PTK2: variants seen among roughly 807,000 people sequenced by gnomAD.
PTK2 encodes focal adhesion kinase 1.
In PTK2, 45 loss-of-function variants were observed where a neutral mutation model predicts 150.1. That is an observed-to-expected ratio of 0.30 (90% confidence interval 0.24 to 0.38). The LOEUF (loss-of-function observed/expected upper bound fraction) is 0.38, where lower values mean the gene tolerates loss of function less well. Ranked by LOEUF, PTK2 falls within the 10% of genes least tolerant of loss-of-function variation. The pLI is 1.00. For missense variants in PTK2, 919 were observed against 1,307.3 expected (o/e 0.70, Z 4.58); for synonymous variants, 432 against 449.2 (o/e 0.96, Z 0.48).
chr8:140,858,418 C>T (rs2100134075), intron 5 of PTK2, among the ~76,000 whole-genome samples: 1 of 137,346 alleles, frequency 7.3e-6, no homozygotes, highest in South Asian at 2.5e-4. Context: ...ACAGATCAAG[C>T]AAGGGCAGAA....
intron 14 of PTK2, among the ~76,000 whole-genome samples, chr8:140,766,277 G>C (rs748659263): frequency 6.6e-6 from 1 of 152,164 alleles, no homozygotes. Flanking sequence ...CAGGTGACAG[G>C]TGTCTACTGC....
intron 1 of PTK2, among the ~76,000 whole-genome samples, chr8:140,930,199 G>A (rs959829592): frequency 5.9e-5 from 9 of 151,990 alleles, no homozygotes; most frequent in African/African-American, 1.2e-4. Context: ...AATAAACCTC[G>A]GAACACCAAA....
Position 140,879,451 on chromosome 8 carries a change from A to G in PTK2, c.362+20T>C, listed in dbSNP as rs1429830029. 6.3e-7 allele frequency: 1 copy of G among 1,587,256 alleles called. No individual in the cohort carries two copies. On this transcript the variant is annotated intron_variant, in intron 4 of 31. Transcript: ENST00000522684. ...AAAGAAATCAAGTGTGCATCACACC[A>G]AAGCAGGTTTGTATCTTACTTCCAC...
intron 12 of PTK2, among the ~76,000 whole-genome samples, chr8:140,798,098 A>G (rs1438844616): frequency 2.6e-5 from 4 of 152,228 alleles, no homozygotes; most frequent in Admixed American, 2.0e-4. Flanking sequence ...GTATACATGT[A>G]TAAGTAGTTT....
At chr8:140,682,549 C>G (rs527934418) in intron 27 of PTK2, among the ~76,000 whole-genome samples, 2 of 151,080 alleles carry the variant, frequency 1.3e-5, no homozygotes, top group Admixed American at 6.6e-5. Context: ...TATTAAACAA[C>G]AGAATATAAA....
At chr8:140,694,750 C>A (rs879929474) in intron 26 of PTK2, among the ~76,000 whole-genome samples, 11 of 152,198 alleles carry the variant, frequency 7.2e-5, no homozygotes, top group Non-Finnish European at 1.5e-4. Context: ...TTTACACATA[C>A]ACAGCATAAA....
At chr8:140,909,338 G>C (rs1005791375) in intron 2 of PTK2, among the ~76,000 whole-genome samples, 3 of 152,156 alleles carry the variant, frequency 2.0e-5, no homozygotes, top group Non-Finnish European at 4.4e-5. Flanking sequence ...TCTCTACCTT[G>C]AGCCATTACG....
intron 16 of PTK2, among the ~76,000 whole-genome samples, chr8:140,755,495 C>A (rs2100065136): frequency 6.6e-6 from 1 of 152,174 alleles, no homozygotes; most frequent in Non-Finnish European, 1.5e-5. Context: ...CTGGCTGTTC[C>A]TTCTGCCTAG....
At chr8:140,803,643 T>C in exon 11 of PTK2, 1 of 1,612,808 alleles carries the variant, frequency 6.2e-7, no homozygotes, top group Non-Finnish European at 8.5e-7. Context: ...GTCAGCAAGA[T>C]GTGTGGGCTA....
At chr8:140,739,301 G>A (rs2100054331) in intron 20 of PTK2, among the ~76,000 whole-genome samples, 194 bp from the exon 24 acceptor site, 1 of 152,114 alleles carries the variant, frequency 6.6e-6, no homozygotes, top group South Asian at 2.1e-4. Flanking sequence ...TGGTTAGATG[G>A]TAGATAAATA....
intron 22 of PTK2, among the ~76,000 whole-genome samples, chr8:140,721,120 G>T (rs2100042733): frequency 6.6e-6 from 1 of 151,860 alleles, no homozygotes; most frequent in Admixed American, 6.6e-5. Flanking sequence ...AGTTGCTCAG[G>T]CTGGTCCTGA....
At chr8:140,838,548 C>G (rs996093170) in intron 7 of PTK2, among the ~76,000 whole-genome samples, 2 of 152,208 alleles carry the variant, frequency 1.3e-5, no homozygotes, top group East Asian at 3.9e-4. Flanking sequence ...AAGCTATTAT[C>G]GGGCCAGATA....
chr8:140,917,569 T>C lies in PTK2; in HGVS notation c.-33+8092A>G, dbSNP rs1450627666. Among the ~76,000 whole-genome samples the C allele has an allele frequency of 2.6e-5, 4 of 152,314 alleles. No individual in the cohort carries two copies. The East Asian group carries it at 7.7e-4, about 29-fold the overall frequency. The stretch of plus-strand genomic sequence containing the variant: ...GGCCAAAAGTTTGACATGGAAGATT[T>C]ATTTCTGACAGCTGAATGATCCTAA... On this transcript the variant is annotated intron_variant, in intron 2 of 31. Coordinates refer to ENST00000522684, the Ensembl canonical transcript of PTK2.
chr8:140,941,489 G>T (rs996663983), intron 1 of PTK2, among the ~76,000 whole-genome samples: 1 of 152,152 alleles, frequency 6.6e-6, no homozygotes, highest in Admixed American at 6.5e-5. Context: ...GATTCTATTA[G>T]TGCCACACAT....
At chr8:140,670,928 G>A (rs2095272043) in intron 29 of PTK2, among the ~76,000 whole-genome samples, 1 of 152,166 alleles carries the variant, frequency 6.6e-6, no homozygotes, top group Non-Finnish European at 1.5e-5. Flanking sequence ...CCCAATTATT[G>A]TGGTAGAGGG....
intron 7 of PTK2, among the ~76,000 whole-genome samples, chr8:140,838,652 G>A (rs947723990): frequency 6.6e-6 from 1 of 152,110 alleles, no homozygotes; most frequent in Non-Finnish European, 1.5e-5. Context: ...AAGAACAAGG[G>A]TGAAATTTTT....
chr8:140,916,892 G>A (rs906547189), intron 2 of PTK2, among the ~76,000 whole-genome samples: 2 of 152,094 alleles, frequency 1.3e-5, no homozygotes, highest in Non-Finnish European at 2.9e-5. Context: ...CTCAATTATC[G>A]CATCTGGAAA....
intron 1 of PTK2, among the ~76,000 whole-genome samples, chr8:140,983,177 A>G (rs934669368): frequency 3.9e-5 from 6 of 152,084 alleles, no homozygotes; most frequent in Non-Finnish European, 7.4e-5. Context: ...TTCTGAGGTC[A>G]GGAGTTTGAG....
intron 10 of PTK2, among the ~76,000 whole-genome samples, chr8:140,804,349 G>A (rs2100097062): frequency 6.6e-6 from 1 of 151,716 alleles, no homozygotes. Flanking sequence ...GCACTTTGAG[G>A]GGCTGAGGTG....
Sources: gnomAD v4.1 joint callset for allele counts (sites outside exome capture counted in the v4.1 genomes callset) on GRCh38, gnomAD v4.1.1 for gene constraint, MANE v1.5 for transcripts, NCBI Gene and HGNC (gene_info 2026-07-23, HGNC 2026-07-21) for gene names.